The following BABAM2 variants were observed in gnomAD, a reference collection of about 807,000 sequenced individuals.
The protein encoded by BABAM2 is BRISC and BRCA1-A complex member 2.
A neutral mutation model predicts 54.7 loss-of-function variants in BABAM2; 31 were observed. The ratio of observed to expected loss-of-function variants is 0.57; its 90% confidence interval spans 0.43 to 0.77. The LOEUF (loss-of-function observed/expected upper bound fraction) is 0.77. Ranked by LOEUF, BABAM2 falls within the 30% of genes least tolerant of loss-of-function variation. The pLI is 0.00. For synonymous variants in BABAM2, 167 were observed against 162.9 expected (o/e 1.03, Z -0.19); for missense variants, 364 against 455.8 (o/e 0.80, Z 1.83).
chr2:28,261,445 T>C (rs1224112708), intron 10 of BABAM2, among the ~76,000 whole-genome samples: 1 of 151,876 alleles, frequency 6.6e-6, no homozygotes, highest in African/African-American at 2.4e-5. Flanking sequence ...TTCTCCTGCC[T>C]CAGCCTCCCG....
intron 6 of BABAM2, among the ~76,000 whole-genome samples, chr2:28,096,245 C>A (rs1449838293): frequency 2.0e-5 from 3 of 152,130 alleles, no homozygotes; most frequent in African/African-American, 7.2e-5. Context: ...TGGCTGACAT[C>A]TGTCTAAAAT....
intron 4 of BABAM2, among the ~76,000 whole-genome samples, chr2:28,001,629 G>T (rs1394164203): frequency 6.6e-6 from 1 of 152,168 alleles, no homozygotes. Context: ...TCACAGTTCT[G>T]CAGGCTGTAC....
At chr2:27,946,624 G>A (rs955739956) in intron 3 of BABAM2, among the ~76,000 whole-genome samples, 3 of 151,914 alleles carry the variant, frequency 2.0e-5, no homozygotes, top group Admixed American at 6.6e-5. Flanking sequence ...GACCTGGAGC[G>A]AGATAGAGAG....
chr2:27,954,045 A>G (rs1264868959), intron 3 of BABAM2, among the ~76,000 whole-genome samples: 5 of 152,166 alleles, frequency 3.3e-5, no homozygotes, highest in African/African-American at 1.2e-4. Flanking sequence ...TTGTCTTTCT[A>G]TTTGGTAAGC....
chr2:28,321,144 G>A (rs1031887041), intron 11 of BABAM2, among the ~76,000 whole-genome samples: 2 of 152,046 alleles, frequency 1.3e-5, no homozygotes, highest in African/African-American at 4.8e-5. Flanking sequence ...GTCCGTAGCT[G>A]TATGATGGCA....
At chr2:27,989,369 T>A (rs1338709793) in intron 4 of BABAM2, among the ~76,000 whole-genome samples, 2 of 152,128 alleles carry the variant, frequency 1.3e-5, no homozygotes, top group East Asian at 3.8e-4. Flanking sequence ...TTGTACTCAT[T>A]CTTGAAGAAT....
intron 11 of BABAM2, among the ~76,000 whole-genome samples, chr2:28,298,954 G>T (rs72786730): frequency 1.3e-5 from 2 of 152,198 alleles, no homozygotes; most frequent in Non-Finnish European, 2.9e-5. Context: ...TGAAAATGTT[G>T]GCAGCTACTT....
At chr2:27,897,852 T>A (rs755878325) in intron 2 of BABAM2, among the ~76,000 whole-genome samples, 2 of 152,190 alleles carry the variant, frequency 1.3e-5, no homozygotes, top group Non-Finnish European at 2.9e-5. Context: ...CAAAATGCTT[T>A]CTTTAGATGG....
intron 7 of BABAM2, among the ~76,000 whole-genome samples, chr2:28,177,231 C>A (rs1675104235): frequency 6.6e-6 from 1 of 151,820 alleles, no homozygotes; most frequent in African/African-American, 2.4e-5. Flanking sequence ...ACTTTACAGG[C>A]CAGGAGAAAA....
At chr2:28,053,469 C>A (rs1396015724) in intron 6 of BABAM2, among the ~76,000 whole-genome samples, 1 of 152,156 alleles carries the variant, frequency 6.6e-6, no homozygotes, top group Non-Finnish European at 1.5e-5. Context: ...GGAAGGAGTA[C>A]TGGGAAGATA....
intron 7 of BABAM2, among the ~76,000 whole-genome samples, chr2:28,190,429 G>A (rs1258920075): frequency 6.6e-6 from 1 of 152,182 alleles, no homozygotes; most frequent in Non-Finnish European, 1.5e-5. Context: ...GCTCACACCT[G>A]TAATTCTAGC....
chr2:27,970,286 T>C (rs1371505812), intron 3 of BABAM2, among the ~76,000 whole-genome samples: 1 of 152,208 alleles, frequency 6.6e-6, no homozygotes, highest in African/African-American at 2.4e-5. Flanking sequence ...GTGATGCTAA[T>C]ACATTTTTAC....
rs1572422095 is a variant in BABAM2 at position 28,325,901 on chromosome 2, G to T, written c.1089-12549G>T. ...AGGCAAATAACACTTCAAAGCCCTA[G>T]AGAGACTCAGGGGAGGGGAAGGTTA... On this transcript the variant is annotated intron_variant, in intron 11 of 11. Coordinates refer to ENST00000379624, the MANE Select transcript of BABAM2 (RefSeq NM_199191.3). The surrounding 1 kb of genome is among the most constrained non-coding windows in gnomAD (Gnocchi z 4.3). Among the ~76,000 whole-genome samples the T allele has an allele frequency of 1.3e-5, 2 of 152,350 alleles. No individual in the cohort carries two copies. Among genetic ancestry groups the T allele is most frequent in the South Asian group, 4.1e-4 (2 of 4,826 alleles).
At position 27,956,259 on chromosome 2, in the gene BABAM2, G is replaced by A. The variant is rs539077144; in HGVS notation, c.205+26351G>A. 9.2e-5 allele frequency among the ~76,000 whole-genome samples: 14 copies of A among 152,216 alleles called. No homozygotes were observed. In the South Asian group the frequency reaches 2.9e-3, roughly 32 times the overall value. Reference sequence around the variant, plus strand: ...TGAAGGGAAAGGAAAGATAAGTTGTGCTGCTTTATAGAAAAATAGTAAACT... The same window carrying A: ...TGAAGGGAAAGGAAAGATAAGTTGTACTGCTTTATAGAAAAATAGTAAACT... On this transcript the variant is annotated intron_variant, in intron 3 of 11. Coordinates refer to ENST00000379624, the MANE Select transcript of BABAM2 (RefSeq NM_199191.3).
At chr2:28,130,987 C>T (rs951165944) in intron 7 of BABAM2, among the ~76,000 whole-genome samples, 4 of 151,806 alleles carry the variant, frequency 2.6e-5, no homozygotes, top group Admixed American at 6.6e-5. Context: ...GTGATCTGCC[C>T]GCTTCGGCCT....
intron 10 of BABAM2, among the ~76,000 whole-genome samples, chr2:28,286,345 T>C (rs1036820828): frequency 7.2e-5 from 11 of 152,150 alleles, no homozygotes; most frequent in Non-Finnish European, 1.6e-4. Flanking sequence ...TCTGCCACAC[T>C]GGAATGAGTG....
intron 4 of BABAM2, among the ~76,000 whole-genome samples, chr2:27,988,707 G>A (rs1481168150): frequency 3.9e-5 from 6 of 152,130 alleles, no homozygotes; most frequent in Non-Finnish European, 7.4e-5. Context: ...GTAAGCATAC[G>A]TACTTACTAA....
At chr2:28,216,557 A>G (rs960580341) in intron 7 of BABAM2, among the ~76,000 whole-genome samples, 1 of 152,172 alleles carries the variant, frequency 6.6e-6, no homozygotes, top group Non-Finnish European at 1.5e-5. Context: ...TATTGATCTG[A>G]AGTTCAGGTT....
chr2:28,200,173 G>C (rs977414673), intron 7 of BABAM2, among the ~76,000 whole-genome samples: 1 of 152,168 alleles, frequency 6.6e-6, no homozygotes. Context: ...AACACTAAAA[G>C]AAGGAGAAGC....
Sources: allele counts gnomAD v4.1 joint callset (sites outside exome capture counted in the v4.1 genomes callset), GRCh38; gene constraint gnomAD v4.1.1; non-coding constraint Gnocchi (gnomAD v3.1); transcripts MANE v1.5; gene names NCBI Gene and HGNC (gene_info 2026-07-23, HGNC 2026-07-21).